FLI1: variants seen among roughly 807,000 people sequenced by gnomAD.
The protein encoded by FLI1 is Fli-1 proto-oncogene, ETS transcription factor, also known as Friend leukemia integration 1 transcription factor.
In FLI1, 13 loss-of-function variants were observed where a neutral mutation model predicts 53.1. The ratio of observed to expected loss-of-function variants is 0.24; its 90% CI spans 0.16 to 0.39. The LOEUF is 0.39. FLI1 is among the 10% of genes least tolerant of loss of function. FLI1 has a pLI of 1.00. For synonymous variants in FLI1, 244 were observed against 236.7 expected (o/e 1.03, Z -0.28); for missense variants, 424 against 600.5 (o/e 0.71, Z 3.07).
chr11:128,733,940 C>T (rs1000487476), intron 1 of FLI1, among the ~76,000 whole-genome samples: 9 of 152,194 alleles, frequency 5.9e-5, no homozygotes, highest in South Asian at 2.1e-4. Flanking sequence ...CTGCAATCAG[C>T]ACAGTGAGGA....
chr11:128,692,399 G>A (rs1937779875), upstream of FLI1, among the ~76,000 whole-genome samples: 1 of 152,014 alleles, frequency 6.6e-6, no homozygotes, highest in African/African-American at 2.4e-5. Context: ...AAGCAGACAG[G>A]AGCGGGGGGA....
intron 1 of FLI1, among the ~76,000 whole-genome samples, chr11:128,754,768 A>G (rs2135802445): frequency 6.6e-6 from 1 of 152,350 alleles, no homozygotes; most frequent in East Asian, 1.9e-4. Context: ...AGAGCATGTC[A>G]GTGGGTCGTC....
At chr11:128,722,516 C>A (rs1939296479) in intron 1 of FLI1, among the ~76,000 whole-genome samples, 1 of 152,230 alleles carries the variant, frequency 6.6e-6, no homozygotes, top group East Asian at 1.9e-4. Flanking sequence ...CTTGCTCAGA[C>A]TTCAGGCAAT....
At chr11:128,692,281 A>T (rs1156487487), upstream of FLI1, among the ~76,000 whole-genome samples, 1 of 152,126 alleles carries the variant, frequency 6.6e-6, no homozygotes, top group Non-Finnish European at 1.5e-5. Context: ...ATTTCTTTTA[A>T]TTGAACTCCA....
At chr11:128,698,724 G>GTGTGTGTC (rs1322365042) in intron 1 of FLI1, among the ~76,000 whole-genome samples, 5 of 131,666 alleles carry the variant, frequency 3.8e-5, no homozygotes, top group Non-Finnish European at 5.1e-5. Flanking sequence ...GTGTGTGTGT[G>GTGTGTGTC]TGTGTGTGTG....
chr11:128,770,086 C>T (rs893804366), intron 3 of FLI1, among the ~76,000 whole-genome samples: 4 of 152,124 alleles, frequency 2.6e-5, no homozygotes, highest in Admixed American at 6.5e-5. Context: ...TCATTTTGGT[C>T]GTCATTTTGG....
At chr11:128,807,754 C>G (rs1942824564) in intron 7 of FLI1, among the ~76,000 whole-genome samples, 1 of 152,162 alleles carries the variant, frequency 6.6e-6, no homozygotes, top group African/African-American at 2.4e-5. Context: ...CTCACCTCTA[C>G]CTTACTTGTG....
chr11:128,704,434 T>C (rs1476625498), intron 1 of FLI1, among the ~76,000 whole-genome samples: 1 of 152,200 alleles, frequency 6.6e-6, no homozygotes, highest in African/African-American at 2.4e-5. Flanking sequence ...CTGACGCCAC[T>C]CTGGGGTCTT....
rs117215866 is a variant in FLI1 at position 128,721,381 on chromosome 11, A to G, written c.18+27105A>G. ...TGCTGTCACAGAAGAAACAAAGAAT[A>G]AAAAGAGAAGAAACTAGAATTGAAG... is the stretch of plus-strand genomic sequence containing the variant. On this transcript the variant is annotated intron_variant, in intron 1 of 8. Transcript: ENST00000527786. Among the ~76,000 whole-genome samples, 438 of 152,362 alleles carry G rather than the reference A, an allele frequency of 2.9e-3. 26 individuals are homozygous for G. The East Asian group carries it at 0.072, about 25-fold the overall frequency.
chr11:128,777,152 A>G (rs1439970756), intron 4 of FLI1, among the ~76,000 whole-genome samples: 5 of 152,152 alleles, frequency 3.3e-5, no homozygotes, highest in Non-Finnish European at 7.4e-5. Flanking sequence ...TTCTCAGGCC[A>G]AGGCGGGGAA....
At position 128,787,829 on chromosome 11, in the gene FLI1, T is replaced by C. The variant is rs1225288513; in HGVS notation, c.655+5806T>C. ...ACAATTTTTTTTTTTTTTTTTGAGA[T>C]GGAGTCTCGCTCTGTCGCTCAGGCT... On this transcript the variant is annotated intron_variant, in intron 5 of 8. Coordinates refer to ENST00000527786, the MANE Select transcript of FLI1 (RefSeq NM_002017.5). Among the ~76,000 whole-genome samples, 28 of 137,862 alleles carry C rather than the reference T, an allele frequency of 2.0e-4. 1 individual carries two copies. 90.4% of individuals were successfully genotyped at this position (137,862 alleles called of 152,430 possible). A position where few individuals can be genotyped will look rare whatever the true frequency, so the allele number is the denominator to read the frequency against.
intron 1 of FLI1, among the ~76,000 whole-genome samples, chr11:128,734,434 T>C (rs964123306): frequency 1.3e-5 from 2 of 152,226 alleles, no homozygotes; most frequent in Non-Finnish European, 2.9e-5. Flanking sequence ...ACAAATATTG[T>C]ATAGGAACAT....
chr11:128,799,049 A>ATTT lies in FLI1; in HGVS notation c.656-6315_656-6314insTTT, dbSNP rs1184910280. ...TATTATTATTATTATTATTATTATTATTATTTTGCTTTGGAGACAGGATCT... is the reference window on the plus strand; with the variant it reads ...TATTATTATTATTATTATTATTATTATTTTTATTTTGCTTTGGAGACAGGATCT... On this transcript the variant is annotated intron_variant, in intron 5 of 8. Transcript: ENST00000527786. Among the ~76,000 whole-genome samples, 180 of 137,272 alleles carry ATTT rather than the reference A, an allele frequency of 1.3e-3. 6 individuals are homozygous for ATTT. The highest frequency in any genetic ancestry group is 3.2e-3 in the Admixed American group (42 of 13,038). The allele number at this position is 137,272 out of a possible 152,430, so 90.1% of individuals were successfully genotyped here.
rs527739155 is a variant in FLI1, at chr11:128,781,884, C to T, written c.590-74C>T. ...CCCCATCTCTTTCCCTTTCTACTCCCTCCTCATGTCATCTCCTACTCTTGA... is the reference window on the plus strand; with the variant it reads ...CCCCATCTCTTTCCCTTTCTACTCCTTCCTCATGTCATCTCCTACTCTTGA... On this transcript the variant is annotated intron_variant, in intron 4 of 8. Transcript: ENST00000527786. 15 of 1,171,620 alleles carry T rather than the reference C, an allele frequency of 1.3e-5. No homozygotes were observed. In the East Asian group the frequency reaches 1.6e-4, roughly 13 times the overall value. The allele number at this position is 1,171,620 out of a possible 1,614,324, so 72.6% of individuals were successfully genotyped here.
intron 1 of FLI1, among the ~76,000 whole-genome samples, chr11:128,719,425 C>T (rs1182943643): frequency 6.7e-6 from 1 of 148,848 alleles, no homozygotes; most frequent in Non-Finnish European, 1.5e-5. Context: ...TTACTTATAG[C>T]TTGAATAAGT....
At chr11:128,791,401 AGAT>A (rs1942266948) in intron 5 of FLI1, among the ~76,000 whole-genome samples, 4 of 152,158 alleles carry the variant, frequency 2.6e-5, no homozygotes, top group African/African-American at 4.8e-5. Flanking sequence ...GGCCGTGGTC[AGAT>A]CAGACAGCAT....
intron 1 of FLI1, among the ~76,000 whole-genome samples, chr11:128,724,020 G>A (rs371254662): frequency 1.5e-5 from 2 of 133,014 alleles, no homozygotes; most frequent in African/African-American, 2.9e-5. Flanking sequence ...TGGGCTCACT[G>A]TAACCTCTGC....
chr11:128,807,344 C>T (rs1460949916), intron 7 of FLI1, 105 bp downstream of exon 7: 5 of 687,252 alleles, frequency 7.3e-6, no homozygotes, highest in Non-Finnish European at 1.2e-5. Flanking sequence ...TATGTTTTCT[C>T]TTATTTCTCT....
chr11:128,718,106 C>A (rs1220472217), intron 1 of FLI1, among the ~76,000 whole-genome samples: 1 of 152,224 alleles, frequency 6.6e-6, no homozygotes, highest in Admixed American at 6.5e-5. Flanking sequence ...AAATACAGCA[C>A]CAGCAAGACT....
Sources: allele counts gnomAD v4.1 joint callset (sites outside exome capture counted in the v4.1 genomes callset), GRCh38; gene constraint gnomAD v4.1.1; transcripts MANE v1.5; gene names NCBI Gene and HGNC (gene_info 2026-07-23, HGNC 2026-07-21).